Variants in DPP6 observed in about 807,000 individuals in gnomAD.
The protein encoded by DPP6 is A-type potassium channel modulatory protein DPP6.
A neutral mutation model predicts 122.6 loss-of-function variants in DPP6; 69 were observed. That is an observed-to-expected ratio of 0.56 (90% confidence interval 0.46 to 0.69). DPP6 has a LOEUF of 0.69. DPP6 is among the 30% of genes least tolerant of loss of function. DPP6 has a pLI of 0.00. For missense variants in DPP6, 928 were observed against 1,116.9 expected (o/e 0.83, Z 2.41); for synonymous variants, 418 against 433.1 (o/e 0.97, Z 0.43).
intron 22 of DPP6, 68 bp downstream of exon 22, chr7:154,885,812 C>T (rs1806105279): frequency 1.8e-5 from 27 of 1,507,812 alleles, no homozygotes; most frequent in East Asian, 2.5e-5. Flanking sequence ...GCCTGCGTGG[C>T]CCCACAGCCC....
At chr7:154,020,816 G>C (rs1282060971) in intron 1 of DPP6, among the ~76,000 whole-genome samples, 3 of 152,138 alleles carry the variant, frequency 2.0e-5, no homozygotes, top group African/African-American at 7.2e-5. Flanking sequence ...AAAGCGGCAA[G>C]AGAAACATGA....
At chr7:154,859,888 C>T (rs1272863861) in intron 17 of DPP6, among the ~76,000 whole-genome samples, 1 of 152,146 alleles carries the variant, frequency 6.6e-6, no homozygotes. Flanking sequence ...GCAATGCAGC[C>T]CCACAGCCAT....
chr7:154,806,617 G>C (rs1025681799), intron 15 of DPP6, among the ~76,000 whole-genome samples: 8 of 152,180 alleles, frequency 5.3e-5, no homozygotes, highest in African/African-American at 1.9e-4. Flanking sequence ...TTCTCAGATT[G>C]CTAGCCATCC....
intron 1 of DPP6, among the ~76,000 whole-genome samples, chr7:154,202,132 A>G (rs1409488547): frequency 1.3e-5 from 2 of 152,204 alleles, no homozygotes; most frequent in African/African-American, 4.8e-5. Context: ...AAAGCACTAT[A>G]TAAAATGCTC....
intron 1 of DPP6, among the ~76,000 whole-genome samples, chr7:154,061,945 G>T (rs1195335249): frequency 1.6e-5 from 2 of 127,322 alleles, no homozygotes; most frequent in Non-Finnish European, 3.4e-5. Flanking sequence ...GGAGGGGGAG[G>T]CAACCCTGCG....
intron 1 of DPP6, among the ~76,000 whole-genome samples, chr7:154,311,024 G>A (rs2150997585): frequency 6.6e-6 from 1 of 152,306 alleles, no homozygotes; most frequent in Admixed American, 6.5e-5. Context: ...GGGAGAAAGT[G>A]ATTCTCTATA....
intron 1 of DPP6, among the ~76,000 whole-genome samples, chr7:154,313,685 G>GTGTATATATA: frequency 2.2e-3 from 44 of 20,424 alleles, no homozygotes; most frequent in South Asian, 3.2e-3. Flanking sequence ...TTAAGATATG[G>GTGTATATATA]TATATATATA....
At chr7:153,822,172 G>C in the DPP6 span, among the ~76,000 whole-genome samples, 1 of 131,536 alleles carries the variant, frequency 7.6e-6, no homozygotes, top group African/African-American at 2.7e-5. Flanking sequence ...AATAGGAAAG[G>C]GGGGGAATCT....
chr7:153,840,289 G>T, the DPP6 span, among the ~76,000 whole-genome samples: 1 of 152,142 alleles, frequency 6.6e-6, no homozygotes, highest in Non-Finnish European at 1.5e-5. Flanking sequence ...GTCCAGGAAA[G>T]AATGGATATG....
intron 1 of DPP6, among the ~76,000 whole-genome samples, chr7:154,397,545 A>AT (rs1256026418): frequency 6.6e-6 from 1 of 152,240 alleles, no homozygotes; most frequent in Non-Finnish European, 1.5e-5. Flanking sequence ...TGTGTGTGAC[A>AT]TGATTTCAGT....
At chr7:154,066,306 T>G (rs756933142) in intron 1 of DPP6, among the ~76,000 whole-genome samples, 64 of 152,296 alleles carry the variant, frequency 4.2e-4, no homozygotes, top group Non-Finnish European at 8.1e-4. Flanking sequence ...GTGATCTGCC[T>G]GCCTTGGCCT....
At chr7:154,263,530 T>C (rs35481279) in intron 1 of DPP6, among the ~76,000 whole-genome samples, 37,811 of 152,114 alleles carry the variant, frequency 0.25, 5,296 homozygotes, top group Non-Finnish European at 0.32. Context: ...AATCCCACAA[T>C]ATTTTCACTA....
At chr7:154,011,700 A>G (rs2129049012) in intron 1 of DPP6, among the ~76,000 whole-genome samples, 2 of 152,360 alleles carry the variant, frequency 1.3e-5, no homozygotes, top group South Asian at 4.1e-4. Context: ...TGTCCAACAA[A>G]AAAAGCGAGT....
chr7:154,885,077 G>A (rs1806031786), intron 21 of DPP6: 1 of 152,904 alleles, frequency 6.5e-6, no homozygotes. Flanking sequence ...TCTCTGGGGA[G>A]GCCTGCGTTG....
chr7:153,801,831 T>C, the DPP6 span, among the ~76,000 whole-genome samples: 1 of 152,060 alleles, frequency 6.6e-6, no homozygotes, highest in South Asian at 2.1e-4. Context: ...CTGGCCATGG[T>C]TCATTAAAAG....
At chr7:154,124,833 G>C (rs938395006) in intron 1 of DPP6, among the ~76,000 whole-genome samples, 2 of 152,178 alleles carry the variant, frequency 1.3e-5, no homozygotes, top group Non-Finnish European at 2.9e-5. Flanking sequence ...CAGCTCTGAG[G>C]AAATGACACT....
At chr7:154,436,805 A>T (rs1436911388) in intron 1 of DPP6, among the ~76,000 whole-genome samples, 19 of 152,124 alleles carry the variant, frequency 1.2e-4, no homozygotes, top group African/African-American at 3.6e-4. Context: ...AGCATCCTGG[A>T]TTTCATGGAA....
At chr7:154,785,331 A>G (rs1257958836) in intron 10 of DPP6, among the ~76,000 whole-genome samples, 2 of 152,132 alleles carry the variant, frequency 1.3e-5, no homozygotes, top group Non-Finnish European at 2.9e-5. Context: ...ATACCATCCT[A>G]TATGGTAAAT....
At chr7:153,762,665 A>G in the DPP6 span, among the ~76,000 whole-genome samples, 1 of 152,066 alleles carries the variant, frequency 6.6e-6, no homozygotes, top group Non-Finnish European at 1.5e-5. Flanking sequence ...CTGTAATCCT[A>G]GCTACTCAGG....
Sources: gnomAD v4.1 joint callset for allele counts (sites outside exome capture counted in the v4.1 genomes callset) on GRCh38, gnomAD v4.1.1 for gene constraint, MANE v1.5 for transcripts, NCBI Gene and HGNC (gene_info 2026-07-23, HGNC 2026-07-21) for gene names.